Variants in PQBP1 observed in about 807,000 individuals in gnomAD.
PQBP1 encodes the protein polyglutamine binding protein 1, also known as polyglutamine-binding protein 1.
Under a neutral mutation model 20.9 loss-of-function variants are expected in PQBP1, and 3 were observed. The observed-to-expected ratio is 0.14, with a 90% CI of 0.07 to 0.37. The LOEUF (loss-of-function observed/expected upper bound fraction) is 0.37. PQBP1 is among the 10% of genes least tolerant of loss of function. The pLI, the probability that PQBP1 is intolerant of heterozygous loss-of-function variation, is 1.00. For missense variants in PQBP1, 162 were observed against 240.3 expected (o/e 0.67, Z 2.16); for synonymous variants, 83 against 93.8 (o/e 0.88, Z 0.67).
chrX:48,902,703 T>A, intron 5 of PQBP1, 29 bp from the exon 6 acceptor site: 1 of 1,190,537 alleles, frequency 8.4e-7, no homozygotes, highest in Non-Finnish European at 1.1e-6. Flanking sequence ...GGTGCCTCTA[T>A]TGAAGACTTT....
chrX:48,900,284 CTTTTTTTTTTTT>C (rs1162086780), intron 2 of PQBP1, among the ~76,000 whole-genome samples: 2 of 32,472 alleles, frequency 6.2e-5, no homozygotes, highest in African/African-American at 1.3e-4. Context: ...CATTGATTTA[CTTTTTTTTTTTT>C]TTTTTTTTTT....
At position 48,902,399 on chromosome X, in the gene PQBP1, A is replaced by G. The variant is rs782495605; in HGVS notation, c.459A>G (p.Arg153=). Residue 153 remains arginine, a synonymous_variant, in exon 5 of 7, where the codon AGA becomes AGG. Coordinates refer to ENST00000447146, the MANE Select transcript of PQBP1 (RefSeq NM_001032382.2). ...GCTATGACAAGGTAGACAGAGAGAG[A>G]GAGCGAGACAGGGAACGGGATCGGG... ...ERGYDKVDRE[R]ERDRERDRDR... The G allele has an allele frequency of 3.3e-6, 4 of 1,207,228 alleles. No homozygotes were observed. In the South Asian group the frequency reaches 7.1e-5, roughly 21 times the overall value.
intron 3 of PQBP1, 84 bp from the exon 4 acceptor site, chrX:48,901,846 G>C (rs1557041207): frequency 1.7e-6 from 2 of 1,184,276 alleles, no homozygotes; most frequent in African/African-American, 3.6e-5. Context: ...CATGGGGCAG[G>C]TATAGGCAGA....
chrX:48,898,168 C>T, intron 1 of PQBP1, 86 bp downstream of exon 1: 1 of 1,030,647 alleles, frequency 9.7e-7, no homozygotes, highest in Non-Finnish European at 1.3e-6. Context: ...TTTCTCCCAC[C>T]CGGCAGTCAT....
chrX:48,901,797 G>A, intron 3 of PQBP1, 133 bp from the exon 4 acceptor site: 1 of 1,087,397 alleles, frequency 9.2e-7, no homozygotes, highest in Non-Finnish European at 1.2e-6. Context: ...TTTCTCTTCA[G>A]GAGAAGAGAT....
At chrX:48,901,323 C>A (rs1025808093) in intron 3 of PQBP1, 22 bp downstream of exon 3, 1 of 1,185,042 alleles carries the variant, frequency 8.4e-7, no homozygotes, top group Non-Finnish European at 1.1e-6. Flanking sequence ...TGAGGGGGAG[C>A]TAACTTCTGG....
intron 1 of PQBP1, 83 bp from the exon 2 acceptor site, chrX:48,898,409 A>C: frequency 1.2e-6 from 1 of 867,863 alleles, no homozygotes; most frequent in East Asian, 3.2e-5. Context: ...AGATGAGTAC[A>C]TGTTTACGGG....
chrX:48,902,801 T>C lies in PQBP1; in HGVS notation c.641+6T>C. ...TCATACTCAGACGCCCCCCGGTAAG[T>C]GACAACCCCTCTTGACTCAGTACGT... On this transcript the variant is annotated splice_donor_region_variant and intron_variant, in intron 6 of 6. Coordinates refer to ENST00000447146, the MANE Select transcript of PQBP1 (RefSeq NM_001032382.2). 1 of 1,200,045 alleles carries C rather than the reference T, an allele frequency of 8.3e-7. No individual in the cohort carries two copies. The highest frequency in any genetic ancestry group is 1.1e-6 in the Non-Finnish European group (1 of 889,786).
rs781958954 is a variant in PQBP1, at chrX:48,902,048, T to G, written c.292+6T>G. The G allele has an allele frequency of 5.3e-5, 64 of 1,208,860 alleles. No homozygotes were observed. Among genetic ancestry groups the G allele is most frequent in the Admixed American group, 3.3e-4 (15 of 45,529 alleles). On this transcript the variant is annotated splice_donor_region_variant and intron_variant, in intron 4 of 6. Transcript: ENST00000447146. ...GCTCAGAAGCAGTAATGCAGGTGAG[T>G]TGGCAGGTACAAGCGTGCCTTGAGT...
At chrX:48,899,653 G>A (rs1254234543) in intron 2 of PQBP1, among the ~76,000 whole-genome samples, 1 of 111,260 alleles carries the variant, frequency 9.0e-6, no homozygotes, top group Non-Finnish European at 1.9e-5. Context: ...GGGGCCTACT[G>A]TATGCCAAGT....
In PQBP1 at chrX:48,898,537, C is replaced by T. The variant is rs782310806; in HGVS notation, c.28C>T (p.Arg10Cys). 2 of 1,210,955 alleles carry T rather than the reference C, an allele frequency of 1.7e-6. No homozygotes were observed. The highest frequency in any genetic ancestry group is 1.7e-5 in the African/African-American group (1 of 57,535). Residue 10 changes from arginine to cysteine, a missense_variant, in exon 2 of 7, where the codon CGC becomes TGC. Coordinates refer to ENST00000447146, the MANE Select transcript of PQBP1 (RefSeq NM_001032382.2). ...GCCGCTGCCCGTTGCGCTGCAGACCCGCTTGGCCAAGAGAGGCATCCTCAA... is the reference window on the plus strand; with the variant it reads ...GCCGCTGCCCGTTGCGCTGCAGACCTGCTTGGCCAAGAGAGGCATCCTCAA... MPLPVALQT[R>C]LAKRGILKHL...
rs1980276413 is a variant in PQBP1, at chrX:48,898,095, T to C, written c.-19+13T>C. On this transcript the variant is annotated intron_variant, in intron 1 of 6. Coordinates refer to ENST00000447146, the MANE Select transcript of PQBP1 (RefSeq NM_001032382.2). ...CACGAGTGTATTGGTAACGTTGGGG[T>C]GGGTGCACTCTTTTGGAGCTGGAGG... The C allele has an allele frequency of 2.0e-6, 2 of 1,020,151 alleles. No individual in the cohort carries two copies. The highest frequency in any genetic ancestry group is 8.4e-5 in the Admixed American group (2 of 23,854). 84.1% of individuals were successfully genotyped at this position (1,020,151 alleles called of 1,213,427 possible).
chrX:48,900,583 G>T (rs2063393946), intron 2 of PQBP1, among the ~76,000 whole-genome samples: 1 of 109,401 alleles, frequency 9.1e-6, no homozygotes, highest in Non-Finnish European at 1.9e-5. Flanking sequence ...TAGAGACAGG[G>T]TCTCACTCTG....
chrX:48,898,439 C>G, intron 1 of PQBP1, 53 bp from the exon 2 acceptor site: 1 of 1,085,734 alleles, frequency 9.2e-7, no homozygotes, highest in Non-Finnish European at 1.3e-6. Flanking sequence ...GTTACGGGAT[C>G]CAGATAGGAA....
At chrX:48,901,491 T>G (rs782293903) in intron 3 of PQBP1, 190 bp downstream of exon 3, 5 of 961,605 alleles carry the variant, frequency 5.2e-6, no homozygotes, top group Non-Finnish European at 7.1e-6. Flanking sequence ...TTTTCTCTCT[T>G]TTTTGAAACG....
At position 48,902,734 on chromosome X, in the gene PQBP1, G is replaced by A. The variant is rs2063443174; in HGVS notation, c.580G>A (p.Val194Ile). The A allele has an allele frequency of 3.3e-6, 4 of 1,202,433 alleles. No homozygotes were observed. The highest frequency in any genetic ancestry group is 4.5e-6 in the Non-Finnish European group (4 of 891,067). The change falls in exon 6 of 7, where the codon GTA becomes ATA. Residue 194 changes from valine (V) to isoleucine (I), a missense_variant and splice_region_variant. Val to Ile is a conservative substitution (Grantham distance 29, BLOSUM62 3). Transcript: ENST00000447146. ...LAPYPKSKKA[V>I]SRKDEELDPM... ...ACTTTGCCCTGCCACTTCCACAGCAGTAAGCCGAAAGGATGAAGAGTTAGA... is the reference window on the plus strand; with the variant it reads ...ACTTTGCCCTGCCACTTCCACAGCAATAAGCCGAAAGGATGAAGAGTTAGA...
Position 48,903,094 on chromosome X carries a change from C to T in PQBP1, c.*10C>T, listed in dbSNP as rs782023194. ...CAAGCAGCAGGATTGAAGCTTCGGCCTCCCTGGCCCTGGGTTAAAATAAAA... is the reference window on the plus strand; with the variant it reads ...CAAGCAGCAGGATTGAAGCTTCGGCTTCCCTGGCCCTGGGTTAAAATAAAA... On this transcript the variant is annotated 3_prime_UTR_variant, in exon 7 of 7. Transcript: ENST00000447146. The T allele has an allele frequency of 1.7e-6, 2 of 1,198,635 alleles. No homozygotes were observed. Among genetic ancestry groups the T allele is most frequent in the Admixed American group, 2.3e-5 (1 of 44,430 alleles).
intron 1 of PQBP1, 187 bp downstream of exon 1, chrX:48,898,269 C>T (rs1028779263): frequency 1.4e-6 from 1 of 705,108 alleles, no homozygotes; most frequent in Admixed American, 2.7e-5. Context: ...GGAACAGGGC[C>T]CTGGAGCACC....
At chrX:48,901,527 G>A in intron 3 of PQBP1, 2 of 756,463 alleles carry the variant, frequency 2.6e-6, no homozygotes, top group Non-Finnish European at 3.9e-6. Context: ...AGCCCGGGCT[G>A]GAGTGCAATG....
Sources: allele counts gnomAD v4.1 joint callset (sites outside exome capture counted in the v4.1 genomes callset), GRCh38; gene constraint gnomAD v4.1.1; transcripts MANE v1.5; gene names NCBI Gene and HGNC (gene_info 2026-07-23, HGNC 2026-07-21).